The following PILRA variants were observed in gnomAD, a reference collection of about 807,000 sequenced individuals.
The protein encoded by PILRA is paired immunoglobin like type 2 receptor alpha.
A neutral mutation model predicts 33.1 loss-of-function variants in PILRA; 37 were observed. That is an observed-to-expected ratio of 1.12 (90% confidence interval 0.86 to 1.47). PILRA has a LOEUF of 1.47. PILRA is among the 40% of genes most tolerant of loss of function. The pLI is 0.00. For missense variants in PILRA, 312 were observed against 376.2 expected, an observed-to-expected ratio of 0.83 and a Z score of 1.41; for synonymous variants, 146 against 149.9, an observed-to-expected ratio of 0.97 and a Z score of 0.19.
rs1469047004 is a variant in PILRA at position 100,389,943 on chromosome 7, T to C, written c.510T>C (p.Ser170=). ...GCATGACTACCACCTGGAGGCTCAG[T>C]AGCACAACCACCACAACCGGCCTCA... ...PSSMTTTWRL[S]STTTTTGLRV... Residue 170 remains serine (S), a synonymous_variant, in exon 3 of 7, where the codon AGT becomes AGC. Transcript: ENST00000198536. The C allele has an allele frequency of 6.2e-7, 1 of 1,613,694 alleles. No homozygotes were observed. Among genetic ancestry groups the C allele is most frequent in the Non-Finnish European group, 8.5e-7 (1 of 1,179,906 alleles).
chr7:100,379,587 G>T (rs899820450), intron 2 of PILRA, among the ~76,000 whole-genome samples: 5 of 148,080 alleles, frequency 3.4e-5, no homozygotes, highest in African/African-American at 1.3e-4. Context: ...AGAATCGCTT[G>T]AACCTGGGAG....
chr7:100,377,227 ATTTC>A (rs1790971874), intron 2 of PILRA, among the ~76,000 whole-genome samples: 1 of 80,790 alleles, frequency 1.2e-5, no homozygotes. Flanking sequence ...TCACTTTTCT[ATTTC>A]TTTTTTTTTT....
At chr7:100,384,404 G>A (rs1177437870) in intron 2 of PILRA, among the ~76,000 whole-genome samples, 2 of 142,998 alleles carry the variant, frequency 1.4e-5, no homozygotes, top group Admixed American at 7.1e-5. Context: ...ATGGAACCCC[G>A]TCTCTACCAA....
chr7:100,373,716 G>A lies in PILRA; in HGVS notation c.60G>A (p.Gln20=). The A allele has an allele frequency of 6.2e-7, 1 of 1,613,228 alleles. No individual in the cohort carries two copies. The change falls in exon 1 of 7, where the codon CAG becomes CAA. Residue 20 remains glutamine, a synonymous_variant. Coordinates refer to ENST00000198536, the MANE Select transcript of PILRA (RefSeq NM_013439.3). ...LPLLLPPAFL[Q]PSGSTGSGPS... is the part of the protein sequence containing the mutation. ...TGCTGCTGCCGCCAGCATTTCTGCA[G>A]CCTAGTGAGTACCCAGGACCACCCA...
intron 3 of PILRA, among the ~76,000 whole-genome samples, chr7:100,396,639 C>T (rs370878790): frequency 6.6e-6 from 1 of 152,052 alleles, no homozygotes; most frequent in East Asian, 1.9e-4. Context: ...GTGACAAGAG[C>T]GAAACTCTGT....
intron 2 of PILRA, among the ~76,000 whole-genome samples, chr7:100,384,777 G>C (rs1324002961): frequency 6.6e-6 from 1 of 152,134 alleles, no homozygotes; most frequent in African/African-American, 2.4e-5. Context: ...GACAGAGGAA[G>C]ACCAATCAGG....
At chr7:100,397,996 A>G in intron 4 of PILRA, 84 bp downstream of exon 4, 1 of 1,392,626 alleles carries the variant, frequency 7.2e-7, no homozygotes, top group Non-Finnish European at 1.0e-6. Flanking sequence ...GTGTGCTGCT[A>G]AGAACCCCAC....
chr7:100,395,441 A>T (rs146269601), intron 3 of PILRA, among the ~76,000 whole-genome samples: 1 of 152,342 alleles, frequency 6.6e-6, no homozygotes, highest in African/African-American at 2.4e-5. Context: ...TGGATTTCCC[A>T]GCCTCCAGAA....
At chr7:100,378,430 A>C (rs1242583994) in intron 2 of PILRA, among the ~76,000 whole-genome samples, 1 of 152,228 alleles carries the variant, frequency 6.6e-6, no homozygotes, top group Non-Finnish European at 1.5e-5. Flanking sequence ...AAGTTTATCC[A>C]GTTTAGGAAA....
chr7:100,382,436 T>G (rs1266997135), intron 2 of PILRA, among the ~76,000 whole-genome samples: 2 of 152,158 alleles, frequency 1.3e-5, no homozygotes, highest in Non-Finnish European at 2.9e-5. Flanking sequence ...TGTATCTAGC[T>G]CAAGGTTTGT....
intron 2 of PILRA, among the ~76,000 whole-genome samples, chr7:100,382,673 A>G (rs562550856): frequency 2.4e-4 from 36 of 152,360 alleles, no homozygotes; most frequent in African/African-American, 8.7e-4. Flanking sequence ...AGCAGTATCA[A>G]CTGGCTCTGG....
chr7:100,377,844 C>G lies in PILRA; in HGVS notation c.454+3411C>G, dbSNP rs191425968. 4.6e-5 allele frequency among the ~76,000 whole-genome samples: 7 copies of G among 152,152 alleles called. No individual in the cohort carries two copies. The East Asian group carries it at 1.4e-3, about 29-fold the overall frequency. On this transcript the variant is annotated intron_variant, in intron 2 of 6. Coordinates refer to ENST00000198536, the MANE Select transcript of PILRA (RefSeq NM_013439.3). ...AAATAATATAATCAGTTGTCCCAAC[C>G]CCATTTATTGCATTTTTATCTGCTT...
chr7:100,398,284 A>C (rs1435508352), intron 4 of PILRA, among the ~76,000 whole-genome samples: 1 of 151,984 alleles, frequency 6.6e-6, no homozygotes, highest in Non-Finnish European at 1.5e-5. Context: ...TACTCTGTTC[A>C]ATCTGTCCTG....
intron 4 of PILRA, among the ~76,000 whole-genome samples, chr7:100,398,384 C>T (rs1211145881): frequency 5.9e-5 from 9 of 152,224 alleles, no homozygotes; most frequent in Non-Finnish European, 1.3e-4. Flanking sequence ...ACTCACCAGC[C>T]TCTGCCTGGC....
intron 2 of PILRA, among the ~76,000 whole-genome samples, chr7:100,381,933 C>T (rs1703138018): frequency 6.6e-6 from 1 of 152,302 alleles, no homozygotes; most frequent in South Asian, 2.1e-4. Flanking sequence ...CTCGATTTCT[C>T]GCCAGGCCTT....
In PILRA at chr7:100,374,265, C is replaced by A; in HGVS notation, c.286C>A (p.Arg96=). ...TTCCATTCACAAGGATTATGTGAAC[C>A]GGCTCTTTCTGAACTGGACAGAGGG... ...PPSIHKDYVN[R]LFLNWTEGQK... is the part of the protein sequence containing the mutation. Residue 96 remains arginine, a synonymous_variant, in exon 2 of 7, where the codon CGG becomes AGG. Coordinates refer to ENST00000198536, the MANE Select transcript of PILRA (RefSeq NM_013439.3). 1.9e-6 allele frequency: 3 copies of A among 1,614,140 alleles called. No individual in the cohort carries two copies. The highest frequency in any genetic ancestry group is 2.5e-6 in the Non-Finnish European group (3 of 1,180,014).
intron 3 of PILRA, among the ~76,000 whole-genome samples, chr7:100,396,796 T>G (rs990126823): frequency 1.3e-5 from 2 of 151,920 alleles, no homozygotes; most frequent in Middle Eastern, 3.4e-3. Context: ...GATATTAAAT[T>G]AATAGGAACA....
rs1219007676 is a variant in PILRA at position 100,399,289 on chromosome 7, A to G, written c.708-2A>G. The G allele has an allele frequency of 6.2e-7, 1 of 1,608,628 alleles. No individual in the cohort carries two copies. The highest frequency in any genetic ancestry group is 2.2e-5 in the East Asian group (1 of 44,878). ...ATTTCCTGTCCTCTTGTTCCCATAC[A>G]GGGAACCCTTCCAAAACACAGAGGA... On this transcript the variant is annotated splice_acceptor_variant, in intron 4 of 6. Transcript: ENST00000198536. LOFTEE classifies it high-confidence loss of function.
At chr7:100,381,275 C>A (rs1458230166) in intron 2 of PILRA, among the ~76,000 whole-genome samples, 1 of 150,730 alleles carries the variant, frequency 6.6e-6, no homozygotes, top group Non-Finnish European at 1.5e-5. Flanking sequence ...TCACAAAAAA[C>A]AAACAAACAA....
Sources: gnomAD v4.1 joint callset for allele counts (sites outside exome capture counted in the v4.1 genomes callset) on GRCh38, gnomAD v4.1.1 for gene constraint, MANE v1.5 for transcripts, NCBI Gene and HGNC (gene_info 2026-07-23, HGNC 2026-07-21) for gene names.